The following MAD1L1 variants were observed in gnomAD, a reference collection of about 807,000 sequenced individuals.
MAD1L1 encodes mitotic spindle assembly checkpoint protein MAD1.
Under a neutral mutation model 96.9 loss-of-function variants are expected in MAD1L1, and 95 were observed. The ratio of observed to expected loss-of-function variants is 0.98; its 90% CI spans 0.83 to 1.16. The LOEUF (loss-of-function observed/expected upper bound fraction) is 1.16. Ranked by LOEUF, MAD1L1 falls within the 50% of genes most tolerant of loss-of-function variation. The pLI, the probability that MAD1L1 is intolerant of heterozygous loss-of-function variation, is 0.00. For missense variants in MAD1L1, 1,007 were observed against 954.4 expected, an observed-to-expected ratio of 1.06 and a Z score of -0.73; for synonymous variants, 473 against 396.6, an observed-to-expected ratio of 1.19 and a Z score of -2.29.
At chr7:1,939,228 G>A (rs1291085986) in intron 16 of MAD1L1, among the ~76,000 whole-genome samples, 7 of 121,054 alleles carry the variant, frequency 5.8e-5, no homozygotes, top group Non-Finnish European at 1.2e-4. Context: ...GCCAGGGCCA[G>A]AGGCACACAC....
intron 16 of MAD1L1, 137 bp downstream of exon 16, chr7:1,957,492 A>C: frequency 2.4e-6 from 2 of 843,768 alleles, no homozygotes; most frequent in Non-Finnish European, 3.7e-6. Context: ...AAGGGGGTGC[A>C]CATGGGAGGG....
rs112216025 is a variant in MAD1L1, at chr7:1,914,779, A to AATT, written c.1808-16392_1808-16390dup. ...CAGGCAGGTGCTACCACACCCGGCTAATTATTATTATTATTTTTATAAATA... is the reference window on the plus strand; with the variant it reads ...CAGGCAGGTGCTACCACACCCGGCTAATTATTATTATTATTATTTTTATAAATA... On this transcript the variant is annotated intron_variant, in intron 17 of 18. Transcript: ENST00000265854. Among the ~76,000 whole-genome samples the AATT allele has an allele frequency of 4.0e-3, 606 of 151,510 alleles. 6 individuals carry two copies. The highest frequency in any genetic ancestry group is 0.013 in the African/African-American group (550 of 41,256).
intron 11 of MAD1L1, among the ~76,000 whole-genome samples, chr7:2,133,345 G>A (rs901401432): frequency 1.3e-5 from 2 of 152,232 alleles, no homozygotes; most frequent in Non-Finnish European, 1.5e-5. Context: ...CCGCGTGTCT[G>A]CTTTGGTGAG....
Position 2,146,783 on chromosome 7 carries a change from A to T in MAD1L1, c.1073+2369T>A, listed in dbSNP as rs1387701332. On this transcript the variant is annotated intron_variant, in intron 11 of 18. Coordinates refer to ENST00000265854, the MANE Select transcript of MAD1L1 (RefSeq NM_001013836.2). This position sits in a 1 kb window ranked among gnomAD's most constrained non-coding sequence, Gnocchi z 6.2. The stretch of plus-strand genomic sequence containing the variant: ...TCACGCTCATCTGAATTTCTGTCCA[A>T]CTGCCTGTAAGAGACTTGTAGAAAT... 6.6e-6 allele frequency among the ~76,000 whole-genome samples: 1 copy of T among 152,164 alleles called. No individual in the cohort carries two copies. The highest frequency in any genetic ancestry group is 1.5e-5 in the Non-Finnish European group (1 of 68,028).
At chr7:1,880,382 G>T (rs1785616346) in intron 18 of MAD1L1, among the ~76,000 whole-genome samples, 1 of 152,132 alleles carries the variant, frequency 6.6e-6, no homozygotes, top group African/African-American at 2.4e-5. Flanking sequence ...GGTTAGAGGA[G>T]CTGGGGAGCT....
intron 11 of MAD1L1, among the ~76,000 whole-genome samples, chr7:2,093,086 T>A (rs1191015720): frequency 2.0e-5 from 3 of 148,554 alleles, no homozygotes; most frequent in African/African-American, 7.5e-5. Flanking sequence ...AAAAAAAATA[T>A]ATACAAAAAT....
At chr7:1,944,521 G>T (rs1413564284) in intron 16 of MAD1L1, among the ~76,000 whole-genome samples, 1 of 152,190 alleles carries the variant, frequency 6.6e-6, no homozygotes, top group Non-Finnish European at 1.5e-5. Context: ...GCTCTCCACG[G>T]GGAGGACAAG....
intron 12 of MAD1L1, among the ~76,000 whole-genome samples, chr7:2,018,374 C>T (rs139224319): frequency 4.4e-4 from 67 of 152,372 alleles, no homozygotes; most frequent in African/African-American, 1.6e-3. Context: ...TGCACGGCAG[C>T]CACGGTGGTC....
rs775755086 is a variant in MAD1L1, at chr7:1,816,143, C to T, written c.2084G>A (p.Arg695Gln). 3.9e-5 allele frequency: 63 copies of T among 1,613,116 alleles called. No individual in the cohort carries two copies. Among genetic ancestry groups the T allele is most frequent in the Non-Finnish European group, 4.7e-5 (56 of 1,179,868 alleles). Residue 695 changes from arginine (R) to glutamine (Q), a missense_variant, in exon 19 of 19, where the codon CGG (arginine) becomes CAG (glutamine). By Grantham distance (43) the Arg-to-Gln change is conservative. Transcript: ENST00000265854. ...GAAGGCAGGGATGCTGTCCTGGCGC[C>T]GCAGGTGCACCTCGATGAGCTCGCC... ...TVGELIEVHL[R>Q]RQDSIPAFLS...
In MAD1L1 at chr7:2,099,902, C is replaced by T. The variant is rs569250850; in HGVS notation, c.1074-30564G>A. ...ATGCCCCAGGCATGACTCAGAAGAA[C>T]CAGCACCAATGCTCTTGGTGTCATC... On this transcript the variant is annotated intron_variant, in intron 11 of 18. Coordinates refer to ENST00000265854, the MANE Select transcript of MAD1L1 (RefSeq NM_001013836.2). 8.5e-5 allele frequency among the ~76,000 whole-genome samples: 13 copies of T among 152,368 alleles called. No individual in the cohort carries two copies. The South Asian group carries it at 2.7e-3, about 32-fold the overall frequency.
chr7:2,179,258 G>A (rs1055686062), intron 10 of MAD1L1, among the ~76,000 whole-genome samples: 2 of 152,146 alleles, frequency 1.3e-5, no homozygotes, highest in South Asian at 2.1e-4. Flanking sequence ...GACCGGGCAC[G>A]GTGGCTCATG....
At chr7:1,878,978 T>C (rs1458917351) in intron 18 of MAD1L1, among the ~76,000 whole-genome samples, 1 of 152,148 alleles carries the variant, frequency 6.6e-6, no homozygotes, top group Non-Finnish European at 1.5e-5. Context: ...TTCTATATAT[T>C]AGGAATGAAA....
chr7:1,830,754 A>G (rs901846640), intron 18 of MAD1L1, among the ~76,000 whole-genome samples: 12 of 152,238 alleles, frequency 7.9e-5, no homozygotes, highest in African/African-American at 2.9e-4. Flanking sequence ...CCTGTAAAAA[A>G]TACAGTTAAC....
At chr7:2,060,568 CAG>C in intron 12 of MAD1L1, among the ~76,000 whole-genome samples, 1 of 152,202 alleles carries the variant, frequency 6.6e-6, no homozygotes, top group South Asian at 2.1e-4. Flanking sequence ...CACCTGGACA[CAG>C]GGAAACACTG....
intron 12 of MAD1L1, among the ~76,000 whole-genome samples, chr7:2,017,512 G>T (rs537665511): frequency 2.6e-5 from 4 of 152,366 alleles, no homozygotes; most frequent in African/African-American, 9.6e-5. Flanking sequence ...GGGGGCAGCA[G>T]TAGAGGGCGG....
chr7:1,968,281 C>A lies in MAD1L1; in HGVS notation c.1506-10562G>T, dbSNP rs557209089. On this transcript the variant is annotated intron_variant, in intron 15 of 18. Coordinates refer to ENST00000265854, the MANE Select transcript of MAD1L1 (RefSeq NM_001013836.2). This position sits in a 1 kb window ranked among gnomAD's most constrained non-coding sequence, Gnocchi z 5.6. ...ACACCAGCGGTCTTGTCCACATCAA[C>A]GCCTCAGTCCAGCGGTCAGGTCCAC... Among the ~76,000 whole-genome samples, 1 of 147,330 alleles carries A rather than the reference C, an allele frequency of 6.8e-6. No individual in the cohort carries two copies. Among genetic ancestry groups the A allele is most frequent in the Admixed American group, 6.7e-5 (1 of 14,846 alleles).
intron 13 of MAD1L1, among the ~76,000 whole-genome samples, chr7:2,003,155 A>AG (rs2128493231): frequency 1.9e-5 from 1 of 53,822 alleles, no homozygotes; most frequent in South Asian, 5.1e-4. Flanking sequence ...AGCAGGCCTG[A>AG]GGGTGAGGGA....
intron 15 of MAD1L1, among the ~76,000 whole-genome samples, chr7:1,976,058 G>A (rs1780623197): frequency 6.6e-6 from 1 of 152,232 alleles, no homozygotes; most frequent in African/African-American, 2.4e-5. Flanking sequence ...GCTCTCTCTA[G>A]CTTCAGTGTT....
At chr7:2,059,250 G>C (rs1217951894) in intron 12 of MAD1L1, among the ~76,000 whole-genome samples, 11 of 123,896 alleles carry the variant, frequency 8.9e-5, no homozygotes, top group African/African-American at 2.9e-4. Flanking sequence ...AGCAGGGCTG[G>C]AGAGGGAGTG....
Sources: allele counts gnomAD v4.1 joint callset (sites outside exome capture counted in the v4.1 genomes callset), GRCh38; gene constraint gnomAD v4.1.1; non-coding constraint Gnocchi (gnomAD v3.1); transcripts MANE v1.5; gene names NCBI Gene and HGNC (gene_info 2026-07-23, HGNC 2026-07-21).